Variants in PACRG observed in about 807,000 individuals in gnomAD.
PACRG encodes parkin coregulated gene protein.
A neutral mutation model predicts 29.7 loss-of-function variants in PACRG; 29 were observed. The observed-to-expected ratio is 0.98, with a 90% CI of 0.73 to 1.33. The LOEUF is 1.33. Ranked by LOEUF, PACRG falls within the 40% of genes most tolerant of loss-of-function variation. The pLI is 0.00. For synonymous variants in PACRG, 116 were observed against 118.7 expected (o/e 0.98, Z 0.15); for missense variants, 279 against 316.2 (o/e 0.88, Z 0.89).
rs531660897 is a variant in PACRG, at chr6:163,280,639, C to T, written c.614-34188C>T. Among the ~76,000 whole-genome samples the T allele has an allele frequency of 7.9e-5, 12 of 152,272 alleles. No individual in the cohort carries two copies. In the South Asian group the frequency reaches 1.0e-3, roughly 13 times the overall value. ...AGACAGGAAGTCCAAGATCAAGGTT[C>T]GGCCAATTTAGTATCTGGGGAGGGC... On this transcript the variant is annotated intron_variant, in intron 4 of 4. Coordinates refer to ENST00000366888, the MANE Select transcript of PACRG (RefSeq NM_001080379.2).
At chr6:163,100,045 C>G (rs532272490) in intron 4 of PACRG, among the ~76,000 whole-genome samples, 1 of 152,070 alleles carries the variant, frequency 6.6e-6, no homozygotes, top group Non-Finnish European at 1.5e-5. Flanking sequence ...AATTCCCCGC[C>G]GCTGAGGTCA....
chr6:162,857,394 G>A (rs1020995456), intron 2 of PACRG, among the ~76,000 whole-genome samples: 1 of 152,310 alleles, frequency 6.6e-6, no homozygotes. Context: ...ACATTTTGAA[G>A]GGAGGCAGAA....
In PACRG at chr6:163,094,729, T is replaced by C. The variant is rs115429730; in HGVS notation, c.613+5321T>C. On this transcript the variant is annotated intron_variant, in intron 4 of 4. Transcript: ENST00000366888. ...GCAACCAGTACTTATTTATTCCGTC[T>C]TGTCCAAGCAGCCTCACTACTTCAT... Among the ~76,000 whole-genome samples the C allele has an allele frequency of 6.8e-3, 1,030 of 152,306 alleles. 11 individuals carry two copies. The highest frequency in any genetic ancestry group is 0.024 in the African/African-American group (985 of 41,570).
chr6:162,974,147 G>C (rs199611976), intron 2 of PACRG, among the ~76,000 whole-genome samples: 2 of 151,986 alleles, frequency 1.3e-5, no homozygotes, highest in African/African-American at 4.8e-5. Flanking sequence ...CTGCATTGAC[G>C]GGGCTCGCTC....
chr6:162,913,143 A>G (rs1338915528), intron 2 of PACRG, among the ~76,000 whole-genome samples: 2 of 152,160 alleles, frequency 1.3e-5, no homozygotes, highest in African/African-American at 4.8e-5. Flanking sequence ...AATACGGTAA[A>G]TCACACTAAT....
At chr6:163,008,882 G>A (rs974338677) in intron 2 of PACRG, among the ~76,000 whole-genome samples, 1 of 152,018 alleles carries the variant, frequency 6.6e-6, no homozygotes, top group African/African-American at 2.4e-5. Flanking sequence ...CTCCTGAGGT[G>A]AAACTTCAAT....
chr6:163,228,022 C>A (rs1781873583), intron 4 of PACRG, among the ~76,000 whole-genome samples: 1 of 152,078 alleles, frequency 6.6e-6, no homozygotes, highest in Admixed American at 6.5e-5. Context: ...CAATGAACAT[C>A]AAAACAAGCA....
chr6:162,756,993 C>T (rs371259868), intron 1 of PACRG, among the ~76,000 whole-genome samples: 167 of 152,062 alleles, frequency 1.1e-3, no homozygotes, highest in East Asian at 0.01. Flanking sequence ...TCTGGACTCA[C>T]GATTCTGTTC....
At chr6:163,260,980 A>G (rs182826725) in intron 4 of PACRG, among the ~76,000 whole-genome samples, 61 of 152,202 alleles carry the variant, frequency 4.0e-4, no homozygotes, top group Admixed American at 1.1e-3. Context: ...ATGCATTGTC[A>G]TCGTTAGCAA....
At chr6:163,107,945 C>G (rs1585223111) in intron 4 of PACRG, among the ~76,000 whole-genome samples, 1 of 152,160 alleles carries the variant, frequency 6.6e-6, no homozygotes, top group South Asian at 2.1e-4. Flanking sequence ...TATTTTATAG[C>G]CTAGATATAT....
intron 1 of PACRG, among the ~76,000 whole-genome samples, chr6:162,802,357 C>T (rs950339107): frequency 2.0e-5 from 3 of 152,074 alleles, no homozygotes; most frequent in Non-Finnish European, 2.9e-5. Context: ...CATAGATCCC[C>T]AAATTCATAT....
chr6:162,763,791 C>T (rs954148347), intron 1 of PACRG, among the ~76,000 whole-genome samples: 6 of 152,086 alleles, frequency 3.9e-5, no homozygotes, highest in Non-Finnish European at 5.9e-5. Context: ...GTTGTTTTAT[C>T]TTCATTTATA....
chr6:162,823,144 C>G (rs187605710), intron 2 of PACRG, among the ~76,000 whole-genome samples: 1 of 152,228 alleles, frequency 6.6e-6, no homozygotes, highest in Non-Finnish European at 1.5e-5. Flanking sequence ...AAAATTAAGA[C>G]TAGCCTGATT....
chr6:162,976,584 A>G (rs954094290), intron 2 of PACRG, among the ~76,000 whole-genome samples: 4 of 152,216 alleles, frequency 2.6e-5, no homozygotes, highest in Admixed American at 6.5e-5. Context: ...AGATGTAGAG[A>G]TGGAACAGCA....
chr6:163,290,286 A>G (rs796119406), intron 4 of PACRG, among the ~76,000 whole-genome samples: 3,561 of 83,630 alleles, frequency 0.043, 138 homozygotes, highest in African/African-American at 0.15. Flanking sequence ...GCGCACACAC[A>G]CACACACACA....
chr6:162,916,821 C>G (rs891890065), intron 2 of PACRG, among the ~76,000 whole-genome samples: 4 of 152,008 alleles, frequency 2.6e-5, no homozygotes, highest in African/African-American at 9.7e-5. Context: ...CAGTGTCAGT[C>G]AAGAGACGCA....
At chr6:162,998,038 T>C (rs1804240610) in intron 2 of PACRG, among the ~76,000 whole-genome samples, 1 of 152,166 alleles carries the variant, frequency 6.6e-6, no homozygotes, top group African/African-American at 2.4e-5. Flanking sequence ...AGGAGTTAGA[T>C]TGGGATAATA....
intron 2 of PACRG, among the ~76,000 whole-genome samples, chr6:162,927,231 GA>G (rs1219892195): frequency 6.6e-6 from 1 of 152,086 alleles, no homozygotes; most frequent in African/African-American, 2.4e-5. Context: ...AACTATTGTG[GA>G]AGACAGTGTG....
chr6:162,800,169 T>G (rs1785738554), intron 1 of PACRG, among the ~76,000 whole-genome samples: 1 of 152,220 alleles, frequency 6.6e-6, no homozygotes, highest in African/African-American at 2.4e-5. Context: ...CTTAAATATG[T>G]GGCCTTTTTC....
Sources: allele counts gnomAD v4.1 joint callset (sites outside exome capture counted in the v4.1 genomes callset), GRCh38; gene constraint gnomAD v4.1.1; transcripts MANE v1.5; gene names NCBI Gene and HGNC (gene_info 2026-07-23, HGNC 2026-07-21).